GRM8: variants seen among roughly 807,000 people sequenced by gnomAD.
GRM8 encodes the protein metabotropic glutamate receptor 8.
In GRM8, 47 loss-of-function variants were observed where a neutral mutation model predicts 87.2. The observed-to-expected ratio is 0.54, with a 90% CI of 0.43 to 0.69. The LOEUF is 0.69. Ranked by LOEUF, GRM8 falls within the 30% of genes least tolerant of loss-of-function variation. GRM8 has a pLI of 0.00. For missense variants in GRM8, 1,019 were observed against 1,139.2 expected (o/e 0.89, Z 1.52); for synonymous variants, 396 against 404.5 (o/e 0.98, Z 0.25).
intron 8 of GRM8, among the ~76,000 whole-genome samples, chr7:126,558,997 G>A (rs577066675): frequency 6.6e-6 from 1 of 152,218 alleles, no homozygotes; most frequent in East Asian, 1.9e-4. Context: ...GGGTACTGAT[G>A]CAAAGCACCC....
At chr7:127,217,051 T>C (rs1205346926) in intron 2 of GRM8, among the ~76,000 whole-genome samples, 1 of 152,232 alleles carries the variant, frequency 6.6e-6, no homozygotes, top group Non-Finnish European at 1.5e-5. Flanking sequence ...TCTTTACTTT[T>C]CTCTATATTC....
At chr7:126,769,627 C>T (rs1008772554) in intron 7 of GRM8, among the ~76,000 whole-genome samples, 1 of 142,552 alleles carries the variant, frequency 7.0e-6, no homozygotes, top group Non-Finnish European at 1.6e-5. Flanking sequence ...TTAAGTAAAA[C>T]ATTTTGATTG....
intron 3 of GRM8, among the ~76,000 whole-genome samples, chr7:126,964,553 A>G (rs1441432331): frequency 6.6e-6 from 1 of 152,214 alleles, no homozygotes; most frequent in East Asian, 1.9e-4. Flanking sequence ...CAAACATATG[A>G]AAAAAAGCTC....
chr7:126,856,471 T>G (rs1287273077), intron 6 of GRM8, among the ~76,000 whole-genome samples: 1 of 152,188 alleles, frequency 6.6e-6, no homozygotes, highest in Non-Finnish European at 1.5e-5. Flanking sequence ...ATGACTTTCA[T>G]TTGCATTTGT....
intron 7 of GRM8, among the ~76,000 whole-genome samples, chr7:126,759,814 C>T (rs1817406460): frequency 6.6e-6 from 1 of 152,148 alleles, no homozygotes; most frequent in Non-Finnish European, 1.5e-5. Context: ...TATGTATCAT[C>T]ACCTTACATT....
Position 126,820,566 on chromosome 7 carries a change from C to T in GRM8, c.1157-50501G>A, listed in dbSNP as rs1323114394. 2.0e-5 allele frequency among the ~76,000 whole-genome samples: 3 copies of T among 152,174 alleles called. No individual in the cohort carries two copies. The East Asian group carries it at 5.8e-4, about 29-fold the overall frequency. On this transcript the variant is annotated intron_variant, in intron 6 of 10. Coordinates refer to ENST00000339582, the MANE Select transcript of GRM8 (RefSeq NM_000845.3). Reference sequence around the variant, plus strand: ...AACCTTGGATAAATTCAACAGTCCACGTCATGAACTAGAGATCACATAATA... The same window carrying T: ...AACCTTGGATAAATTCAACAGTCCATGTCATGAACTAGAGATCACATAATA...
intron 7 of GRM8, among the ~76,000 whole-genome samples, chr7:126,625,849 G>C (rs1255736064): frequency 6.6e-6 from 1 of 152,024 alleles, no homozygotes; most frequent in Non-Finnish European, 1.5e-5. Context: ...AATTAGGCAA[G>C]ATTAGGTAAT....
At chr7:127,168,821 C>G (rs1439769245) in intron 2 of GRM8, among the ~76,000 whole-genome samples, 39 of 151,218 alleles carry the variant, frequency 2.6e-4, no homozygotes, top group Admixed American at 2.6e-3. Context: ...CACATGGACA[C>G]AGGAAGGGGA....
At chr7:126,770,233 A>G (rs2074012) in intron 6 of GRM8, among the ~76,000 whole-genome samples, 168 bp from the exon 7 acceptor site, 122,607 of 152,112 alleles carry the variant, frequency 0.81, 49,748 homozygotes, top group Non-Finnish European at 0.83. Context: ...ACTGGATATT[A>G]AGTTTATTTG....
chr7:126,649,247 G>C lies in GRM8; in HGVS notation c.1358-39749C>G, dbSNP rs558901056. 1.8e-3 allele frequency among the ~76,000 whole-genome samples: 279 copies of C among 152,254 alleles called. 1 individual carries two copies. Among genetic ancestry groups the C allele is most frequent in the African/African-American group, 6.5e-3 (269 of 41,560 alleles). On this transcript the variant is annotated intron_variant, in intron 7 of 10. Transcript: ENST00000339582. ...GGTGTTGCCAAAGGAGATTAACATT[G>C]AATCAGTGGGCTGTGAAAGGCAGAC...
chr7:127,042,701 G>A (rs1032650777), intron 3 of GRM8, among the ~76,000 whole-genome samples: 6 of 152,242 alleles, frequency 3.9e-5, no homozygotes, highest in African/African-American at 1.4e-4. Flanking sequence ...ACATAGGCAT[G>A]GGCAAGGACT....
intron 3 of GRM8, among the ~76,000 whole-genome samples, chr7:126,985,860 A>G (rs1199007876): frequency 1.3e-5 from 2 of 152,242 alleles, no homozygotes; most frequent in African/African-American, 4.8e-5. Context: ...CATACTGGGG[A>G]TTAAGTTTCA....
intron 7 of GRM8, among the ~76,000 whole-genome samples, chr7:126,680,427 C>T (rs1037671289): frequency 2.0e-4 from 30 of 152,146 alleles, no homozygotes; most frequent in African/African-American, 7.0e-4. Context: ...ATCTTTAATG[C>T]CCTTTATGCA....
At chr7:126,464,132 G>T (rs1804220447) in intron 9 of GRM8, among the ~76,000 whole-genome samples, 1 of 151,356 alleles carries the variant, frequency 6.6e-6, no homozygotes, top group African/African-American at 2.4e-5. Flanking sequence ...ATCAACTTTA[G>T]CTCCTCCATT....
At chr7:126,732,806 A>G (rs1286128798) in intron 7 of GRM8, among the ~76,000 whole-genome samples, 1 of 152,144 alleles carries the variant, frequency 6.6e-6, no homozygotes, top group Non-Finnish European at 1.5e-5. Flanking sequence ...AAGATATGGA[A>G]AATCTGAATT....
At chr7:126,511,382 T>C (rs1031018145) in intron 9 of GRM8, 1 of 152,066 alleles carries the variant, frequency 6.6e-6, no homozygotes, top group African/African-American at 2.4e-5. Flanking sequence ...CAGCAATACA[T>C]CTCCTTGAGA....
chr7:127,146,131 G>T (rs900746540), intron 2 of GRM8, among the ~76,000 whole-genome samples: 1 of 151,966 alleles, frequency 6.6e-6, no homozygotes, highest in Admixed American at 6.6e-5. Context: ...TAGTAAGTCA[G>T]ATTTGAAGTT....
At chr7:126,769,766 C>A in intron 7 of GRM8, 99 bp downstream of exon 7, 1 of 730,290 alleles carries the variant, frequency 1.4e-6, no homozygotes, top group South Asian at 1.7e-5. Context: ...TGCTTCTAAT[C>A]CTGTGTTTTC....
At chr7:126,528,245 A>G (rs1814210619) in intron 9 of GRM8, among the ~76,000 whole-genome samples, 1 of 152,144 alleles carries the variant, frequency 6.6e-6, no homozygotes, top group Admixed American at 6.5e-5. Context: ...CAAAATAAGA[A>G]AACACTTTCA....
Sources: gnomAD v4.1 joint callset for allele counts (sites outside exome capture counted in the v4.1 genomes callset) on GRCh38, gnomAD v4.1.1 for gene constraint, MANE v1.5 for transcripts, NCBI Gene and HGNC (gene_info 2026-07-23, HGNC 2026-07-21) for gene names.